The following MSRA variants were observed in gnomAD, a reference collection of about 807,000 sequenced individuals.
The protein encoded by MSRA is methionine sulfoxide reductase A, also known as mitochondrial peptide methionine sulfoxide reductase.
A neutral mutation model predicts 31.3 loss-of-function variants in MSRA; 54 were observed. That is an observed-to-expected ratio of 1.73 (90% confidence interval 1.39 to 2.17). The LOEUF (loss-of-function observed/expected upper bound fraction) is 2.17. Ranked by LOEUF, MSRA falls within the 30% of genes most tolerant of loss-of-function variation. MSRA has a pLI of 0.00. For missense variants in MSRA, 507 were observed against 300.9 expected (o/e 1.69, Z -5.07); for synonymous variants, 169 against 116.5 (o/e 1.45, Z -2.90).
intron 5 of MSRA, among the ~76,000 whole-genome samples, chr8:10,406,251 G>A (rs1222981819): frequency 6.6e-6 from 1 of 152,216 alleles, no homozygotes; most frequent in Non-Finnish European, 1.5e-5. Flanking sequence ...TTGCAGTCAC[G>A]GCAGCTTGTG....
chr8:10,284,661 G>A (rs896846684), intron 3 of MSRA, among the ~76,000 whole-genome samples: 3 of 152,156 alleles, frequency 2.0e-5, no homozygotes, highest in African/African-American at 7.2e-5. Context: ...TTAGCACAGT[G>A]TGGAGGTAGG....
intron 1 of MSRA, among the ~76,000 whole-genome samples, chr8:10,084,640 T>G (rs1798461931): frequency 6.6e-6 from 1 of 152,116 alleles, no homozygotes. Context: ...TTTCCTAGGG[T>G]GAAAAATGGG....
At chr8:10,330,314 C>G (rs563777366) in intron 5 of MSRA, among the ~76,000 whole-genome samples, 2 of 152,036 alleles carry the variant, frequency 1.3e-5, no homozygotes, top group Non-Finnish European at 2.9e-5. Context: ...TTTAATTATA[C>G]CAACCCAAAT....
intron 5 of MSRA, among the ~76,000 whole-genome samples, chr8:10,371,940 T>G (rs1805501135): frequency 6.6e-6 from 1 of 152,182 alleles, no homozygotes; most frequent in Admixed American, 6.5e-5. Flanking sequence ...TCCTTACACA[T>G]GAGAAAGTGT....
At position 10,428,373 on chromosome 8, in the gene MSRA, A is replaced by G. The variant is rs552877935; in HGVS notation, c.*61A>G. The G allele has an allele frequency of 3.6e-5, 56 of 1,543,910 alleles. No individual in the cohort carries two copies. In the African/African-American group the frequency reaches 5.7e-4, roughly 16 times the overall value. On this transcript the variant is annotated 3_prime_UTR_variant, in exon 6 of 6. Transcript: ENST00000317173. ...AAAAATGCTTTCAACAAATTGGGCAATGCTTGTGTGATTCACAATCGTGGC... is the reference window on the plus strand; with the variant it reads ...AAAAATGCTTTCAACAAATTGGGCAGTGCTTGTGTGATTCACAATCGTGGC...
chr8:10,258,816 C>G (rs1798316630), intron 3 of MSRA, among the ~76,000 whole-genome samples: 1 of 152,160 alleles, frequency 6.6e-6, no homozygotes, highest in African/African-American at 2.4e-5. Context: ...TTTTAAGAAG[C>G]AGATAGACAG....
At chr8:10,063,287 C>G (rs967367391) in intron 1 of MSRA, among the ~76,000 whole-genome samples, 1 of 152,184 alleles carries the variant, frequency 6.6e-6, no homozygotes, top group Non-Finnish European at 1.5e-5. Flanking sequence ...GATCTGTCTT[C>G]ACTCTCCCCT....
intron 1 of MSRA, among the ~76,000 whole-genome samples, chr8:10,135,110 T>C (rs1461366047): frequency 6.6e-6 from 1 of 152,264 alleles, no homozygotes; most frequent in Non-Finnish European, 1.5e-5. Context: ...ACTGTCATTT[T>C]AGAACTTGAC....
chr8:10,057,559 G>C (rs640792), intron 1 of MSRA, among the ~76,000 whole-genome samples: 152,279 of 152,302 alleles, frequency 1, 76,128 homozygotes, highest in Middle Eastern at 1. Context: ...GTGTCCTCAC[G>C]TAAATCTCAT....
chr8:10,068,463 A>T (rs918698669), intron 1 of MSRA, among the ~76,000 whole-genome samples: 1 of 152,178 alleles, frequency 6.6e-6, no homozygotes, highest in East Asian at 1.9e-4. Flanking sequence ...TAGCTATGTG[A>T]TCCATTCCAA....
At chr8:10,164,840 C>T (rs780338155) in intron 1 of MSRA, among the ~76,000 whole-genome samples, 4 of 152,062 alleles carry the variant, frequency 2.6e-5, no homozygotes, top group Non-Finnish European at 5.9e-5. Flanking sequence ...CCAGCCTGAC[C>T]AACATAGTGA....
intron 1 of MSRA, among the ~76,000 whole-genome samples, chr8:10,083,972 G>C (rs1798418070): frequency 6.6e-6 from 1 of 152,194 alleles, no homozygotes; most frequent in Non-Finnish European, 1.5e-5. Context: ...CCTCTTGAAA[G>C]ACCTGAAATC....
intron 5 of MSRA, among the ~76,000 whole-genome samples, chr8:10,406,162 C>T (rs1009546626): frequency 2.6e-5 from 4 of 152,214 alleles, no homozygotes; most frequent in Non-Finnish European, 2.9e-5. Context: ...ACACTTGTGT[C>T]GGGCAGTGGC....
At chr8:10,075,164 A>G (rs527438850) in intron 1 of MSRA, among the ~76,000 whole-genome samples, 2 of 152,250 alleles carry the variant, frequency 1.3e-5, no homozygotes, top group African/African-American at 4.8e-5. Flanking sequence ...GTATAATGGC[A>G]TTGCAAATTT....
chr8:10,392,078 C>T (rs747157001), intron 5 of MSRA, among the ~76,000 whole-genome samples: 5 of 152,174 alleles, frequency 3.3e-5, no homozygotes, highest in African/African-American at 4.8e-5. Flanking sequence ...CAGCCTCCCC[C>T]ACTGGCTTCT....
intron 1 of MSRA, among the ~76,000 whole-genome samples, chr8:10,179,108 C>T (rs115510537): frequency 0.022 from 3,358 of 152,260 alleles, 108 homozygotes; most frequent in African/African-American, 0.075. Context: ...TATGGTGAGT[C>T]AGTCAGTGCC....
intron 1 of MSRA, among the ~76,000 whole-genome samples, chr8:10,171,995 G>A (rs1029728509): frequency 1.3e-5 from 2 of 152,040 alleles, no homozygotes; most frequent in Non-Finnish European, 1.5e-5. Flanking sequence ...ATGAGATGGG[G>A]GTATATAGGT....
At chr8:10,098,645 C>T (rs1799332302) in intron 1 of MSRA, among the ~76,000 whole-genome samples, 1 of 152,178 alleles carries the variant, frequency 6.6e-6, no homozygotes, top group Non-Finnish European at 1.5e-5. Context: ...GCACAATACA[C>T]ATATTGTAGA....
intron 1 of MSRA, among the ~76,000 whole-genome samples, chr8:10,144,423 A>G (rs1325348863): frequency 6.6e-6 from 1 of 152,162 alleles, no homozygotes; most frequent in Non-Finnish European, 1.5e-5. Context: ...GTCCGTGAGG[A>G]TGACGTAAGT....
Sources: gnomAD v4.1 joint callset for allele counts (sites outside exome capture counted in the v4.1 genomes callset) on GRCh38, gnomAD v4.1.1 for gene constraint, MANE v1.5 for transcripts, NCBI Gene and HGNC (gene_info 2026-07-23, HGNC 2026-07-21) for gene names.